Variants in ELMO1 observed in about 807,000 individuals in gnomAD.
ELMO1 encodes the protein engulfment and cell motility 1.
A neutral mutation model predicts 98.9 loss-of-function variants in ELMO1; 26 were observed. The observed-to-expected ratio is 0.26, with a 90% CI of 0.19 to 0.36. ELMO1 has a LOEUF of 0.36. ELMO1 is among the 10% of genes least tolerant of loss of function. The pLI is 1.00. For missense variants in ELMO1, 627 were observed against 935.2 expected (o/e 0.67, Z 4.30); for synonymous variants, 346 against 346.0 (o/e 1.00, Z 0.00).
intron 8 of ELMO1, among the ~76,000 whole-genome samples, chr7:37,229,609 TG>T (rs760597931): frequency 6.6e-6 from 1 of 152,222 alleles, no homozygotes; most frequent in Non-Finnish European, 1.5e-5. Context: ...AGTCGATTTT[TG>T]TTGAGATAAA....
Position 37,022,619 on chromosome 7 carries a change from C to T in ELMO1, c.1301-9184G>A, listed in dbSNP as rs201016304. ...AATGTGGAACAAATGGAATCATCAT[C>T]CACTGTTGATGGGAGTGTAAAATTG... On this transcript the variant is annotated intron_variant, in intron 15 of 21. Transcript: ENST00000310758. Among the ~76,000 whole-genome samples, 346 of 152,296 alleles carry T rather than the reference C, an allele frequency of 2.3e-3. 1 individual carries two copies. The highest frequency in any genetic ancestry group is 4.4e-3 in the East Asian group (23 of 5,188).
intron 14 of ELMO1, among the ~76,000 whole-genome samples, chr7:37,119,584 ATACT>A (rs1185639327): frequency 7.2e-5 from 11 of 152,350 alleles, no homozygotes; most frequent in Non-Finnish European, 1.0e-4. Context: ...TAAACTAAAC[ATACT>A]TTAAATTCTT....
chr7:37,355,323 T>C (rs562773118), intron 1 of ELMO1, among the ~76,000 whole-genome samples: 41 of 152,324 alleles, frequency 2.7e-4, no homozygotes, highest in African/African-American at 9.9e-4. Context: ...ATTAGAGTAG[T>C]GCCTGACCTG....
chr7:37,325,091 G>A (rs1364103517), intron 2 of ELMO1, among the ~76,000 whole-genome samples: 1 of 152,044 alleles, frequency 6.6e-6, no homozygotes, highest in Non-Finnish European at 1.5e-5. Flanking sequence ...ACATCCCTTG[G>A]ACACTTCACA....
intron 1 of ELMO1, among the ~76,000 whole-genome samples, chr7:37,447,888 T>A (rs2131606286): frequency 6.6e-6 from 1 of 151,876 alleles, no homozygotes; most frequent in Admixed American, 6.5e-5. Flanking sequence ...TCCGCTCCGA[T>A]TCCCGGGCCC....
intron 20 of ELMO1, among the ~76,000 whole-genome samples, chr7:36,866,394 A>G (rs1325769746): frequency 6.6e-6 from 1 of 152,164 alleles, no homozygotes; most frequent in African/African-American, 2.4e-5. Context: ...AACAGACTCT[A>G]AGCTCCAGAA....
intron 15 of ELMO1, among the ~76,000 whole-genome samples, chr7:37,061,895 AC>A (rs1384473081): frequency 6.6e-6 from 1 of 152,024 alleles, no homozygotes; most frequent in South Asian, 2.1e-4. Context: ...ATATTCTGTG[AC>A]CCCAAATGTG....
intron 16 of ELMO1, among the ~76,000 whole-genome samples, chr7:36,941,376 C>T (rs1380724166): frequency 6.6e-6 from 1 of 152,152 alleles, no homozygotes; most frequent in Admixed American, 6.5e-5. Context: ...TCAGAGTAAG[C>T]TCTGGGTTAC....
intron 1 of ELMO1, among the ~76,000 whole-genome samples, chr7:37,384,148 A>C (rs1231375936): frequency 3.3e-5 from 5 of 152,084 alleles, no homozygotes; most frequent in Admixed American, 3.3e-4. Flanking sequence ...TCTATATTTT[A>C]CTTATGGTAT....
At chr7:36,972,761 T>A (rs1020899099) in intron 16 of ELMO1, among the ~76,000 whole-genome samples, 6 of 152,182 alleles carry the variant, frequency 3.9e-5, no homozygotes, top group African/African-American at 1.4e-4. Flanking sequence ...AATCTATATA[T>A]CTATATAACT....
At chr7:37,232,253 C>T (rs964887118) in intron 8 of ELMO1, among the ~76,000 whole-genome samples, 15 of 152,068 alleles carry the variant, frequency 9.9e-5, no homozygotes, top group South Asian at 2.1e-4. Context: ...TTCCAGTAAC[C>T]GATACTTATA....
chr7:37,419,442 T>C (rs1330711548), intron 1 of ELMO1, among the ~76,000 whole-genome samples: 2 of 152,190 alleles, frequency 1.3e-5, no homozygotes, highest in Non-Finnish European at 2.9e-5. Context: ...TATGATTTTT[T>C]TCTTTGTTGT....
intron 13 of ELMO1, among the ~76,000 whole-genome samples, chr7:37,196,209 T>C (rs1283856768): frequency 6.6e-6 from 1 of 152,190 alleles, no homozygotes; most frequent in Admixed American, 6.5e-5. Flanking sequence ...TGAGACCTTG[T>C]AGACAGCATG....
chr7:37,142,748 A>G (rs1787720345), intron 13 of ELMO1, among the ~76,000 whole-genome samples: 1 of 152,214 alleles, frequency 6.6e-6, no homozygotes, highest in South Asian at 2.1e-4. Flanking sequence ...AACACATGAT[A>G]CTTAGTTCAG....
At chr7:37,199,211 A>G (rs971008363) in intron 13 of ELMO1, among the ~76,000 whole-genome samples, 1 of 152,178 alleles carries the variant, frequency 6.6e-6, no homozygotes, top group Admixed American at 6.6e-5. Context: ...GTCTGGAGTT[A>G]AAGTTAATTA....
chr7:37,405,088 C>A (rs1249755505), intron 1 of ELMO1, among the ~76,000 whole-genome samples: 1 of 152,140 alleles, frequency 6.6e-6, no homozygotes, highest in African/African-American at 2.4e-5. Context: ...GCCACCGGCA[C>A]TGGGGGACTG....
intron 6 of ELMO1, among the ~76,000 whole-genome samples, chr7:37,252,730 G>C (rs2717959): frequency 0.32 from 48,021 of 151,976 alleles, 7,706 homozygotes; most frequent in Middle Eastern, 0.43. Context: ...ATAGACAAAT[G>C]GGGTCTAATT....
intron 14 of ELMO1, among the ~76,000 whole-genome samples, chr7:37,120,276 T>C (rs1472235021): frequency 1.3e-5 from 2 of 152,144 alleles, no homozygotes; most frequent in African/African-American, 2.4e-5. Context: ...TCACTGGGGA[T>C]TGTCGGACAG....
chr7:37,120,756 C>T (rs913736776), intron 14 of ELMO1, among the ~76,000 whole-genome samples: 2 of 152,204 alleles, frequency 1.3e-5, no homozygotes, highest in Non-Finnish European at 2.9e-5. Flanking sequence ...ATGTGCCTGT[C>T]TGACAGCTTA....
Sources: gnomAD v4.1 joint callset for allele counts (sites outside exome capture counted in the v4.1 genomes callset) on GRCh38, gnomAD v4.1.1 for gene constraint, MANE v1.5 for transcripts, NCBI Gene and HGNC (gene_info 2026-07-23, HGNC 2026-07-21) for gene names.